Variants in HAS3 observed in about 807,000 individuals in gnomAD.
HAS3 encodes HA synthase 3.
HAS3 carries 27 observed loss-of-function variants against 50.3 expected under a neutral mutation model. That is an observed-to-expected ratio of 0.54 (90% CI 0.40 to 0.74). The LOEUF (loss-of-function observed/expected upper bound fraction) is 0.74, where lower values mean the gene tolerates loss of function less well. Among genes scored for constraint, HAS3 ranks in the 30% least tolerant of loss-of-function variants. The pLI, the probability that HAS3 is intolerant of heterozygous loss-of-function variation, is 0.00. For synonymous variants in HAS3, 339 were observed against 310.9 expected (o/e 1.09, Z -0.95); for missense variants, 517 against 742.8 (o/e 0.70, Z 3.53).
At chr16:69,110,771 C>A (rs117587913) in intron 2 of HAS3, among the ~76,000 whole-genome samples, 1 of 152,310 alleles carries the variant, frequency 6.6e-6, no homozygotes, top group East Asian at 1.9e-4. Context: ...TGTGATGCAG[C>A]ACTGCCTCAG....
Position 69,115,373 on chromosome 16 carries a change from CTT to C in HAS3, c.*108_*109del. 1 of 1,420,920 alleles carries C rather than the reference CTT, an allele frequency of 7.0e-7. No homozygotes were observed. The highest frequency in any genetic ancestry group is 3.0e-5 in the Admixed American group (1 of 33,446). The allele number at this position is 1,420,920 out of a possible 1,614,324, so 88.0% of individuals were successfully genotyped here. On this transcript the variant is annotated 3_prime_UTR_variant, in exon 4 of 4. Transcript: ENST00000569188. Reference sequence around the variant, plus strand: ...AGGAGGGAGTGCTGTGTTTTAGTCTCTTAATGGTCCAAAGGACAAATCTAAAA... The same window carrying C: ...AGGAGGGAGTGCTGTGTTTTAGTCTCAATGGTCCAAAGGACAAATCTAAAA...
the HAS3 span, among the ~76,000 whole-genome samples, chr16:69,088,557 CAA>C: frequency 1.7e-4 from 9 of 52,256 alleles, no homozygotes; most frequent in Non-Finnish European, 1.3e-4. Context: ...GACTCCATCT[CAA>C]AAAAAAAAAA....
rs1961243512 is a variant in HAS3 at position 69,117,574 on chromosome 16, TGC to T, written c.*2309_*2310del. ...ATTTGTAAACATATTTATTTTTACC[TGC>T]TTTTTTTTTTTTTTTTAATTTTCAG... On this transcript the variant is annotated 3_prime_UTR_variant, in exon 4 of 4. Transcript: ENST00000569188. 2.4e-6 allele frequency: 2 copies of T among 817,326 alleles called. No individual in the cohort carries two copies. The highest frequency in any genetic ancestry group is 1.4e-6 in the Non-Finnish European group (1 of 692,764). The allele number at this position is 817,326 out of a possible 1,614,324, so 50.6% of individuals were successfully genotyped here.
In HAS3 at chr16:69,116,942, G is replaced by T. The variant is rs371186811; in HGVS notation, c.*1676G>T. On this transcript the variant is annotated 3_prime_UTR_variant, in exon 4 of 4. Transcript: ENST00000569188. ...CCAAGTGCTTCCTACAAAGACGCAA[G>T]GTGTGCTCTGAGCCACAGATGGGCA... 1 of 985,440 alleles carries T rather than the reference G, an allele frequency of 1.0e-6. No individual in the cohort carries two copies. The highest frequency in any genetic ancestry group is 1.7e-5 in the African/African-American group (1 of 57,356). 61.0% of individuals were successfully genotyped at this position (985,440 alleles called of 1,614,324 possible). A position where few individuals can be genotyped will look rare whatever the true frequency, so the allele number is the denominator to read the frequency against.
In HAS3 at chr16:69,114,377, T is replaced by C. The variant is rs1961109607; in HGVS notation, c.773T>C (p.Leu258Pro). The C allele has an allele frequency of 6.2e-7, 1 of 1,607,386 alleles. No individual in the cohort carries two copies. The highest frequency in any genetic ancestry group is 8.5e-7 in the Non-Finnish European group (1 of 1,179,486). ...LNKYDSWISF[L>P]SSVRYWMAFN... Reference sequence around the variant, plus strand: ...AAGTACGACTCATGGATTTCCTTCCTGAGCAGCGTGCGGTACTGGATGGCC... The same window carrying C: ...AAGTACGACTCATGGATTTCCTTCCCGAGCAGCGTGCGGTACTGGATGGCC... The change falls in exon 4 of 4, where the codon CTG becomes CCG. Residue 258 changes from leucine to proline, a missense_variant. By Grantham distance (98) the Leu-to-Pro change is moderately conservative. Coordinates refer to ENST00000569188, the MANE Select transcript of HAS3 (RefSeq NM_001199280.2). This position sits in a 1 kb window ranked among gnomAD's most constrained non-coding sequence, Gnocchi z 6.4.
Position 69,107,499 on chromosome 16 carries a change from T to C in HAS3, c.-1+1712T>C. ...CACGTGGGTGTGGCCGGCGCCGCCT[T>C]TGCCAAGAGGCGAGGCTCGAGCGGG... On this transcript the variant is annotated intron_variant, in intron 1 of 3. Coordinates refer to ENST00000569188, the MANE Select transcript of HAS3 (RefSeq NM_001199280.2). The surrounding 1 kb of genome is among the most constrained non-coding windows in gnomAD (Gnocchi z 5.5). The C allele has an allele frequency of 4.1e-6, 4 of 984,844 alleles. No homozygotes were observed. The highest frequency in any genetic ancestry group is 4.8e-6 in the Non-Finnish European group (4 of 829,336). 61.0% of individuals were successfully genotyped at this position (984,844 alleles called of 1,614,324 possible). A position where few individuals can be genotyped will look rare whatever the true frequency, so the allele number is the denominator to read the frequency against.
At chr16:69,111,925 G>A (rs1409448210) in intron 2 of HAS3, among the ~76,000 whole-genome samples, 2 of 152,204 alleles carry the variant, frequency 1.3e-5, no homozygotes, top group Admixed American at 1.3e-4. Flanking sequence ...CAGCAAACAG[G>A]CTCACACACC....
chr16:69,116,346 G>C lies in HAS3; in HGVS notation c.*1080G>C. The C allele has an allele frequency of 2.0e-6, 2 of 985,794 alleles. No individual in the cohort carries two copies. Among genetic ancestry groups the C allele is most frequent in the Non-Finnish European group, 2.4e-6 (2 of 829,910 alleles). The allele number at this position is 985,794 out of a possible 1,614,324, so 61.1% of individuals were successfully genotyped here. A position where few individuals can be genotyped will look rare whatever the true frequency, so the allele number is the denominator to read the frequency against. ...GGCAAGCGTGTTCTCAGCACATATG[G>C]GAACTATGAGGAGCCTCTGATCAAA... On this transcript the variant is annotated 3_prime_UTR_variant, in exon 4 of 4. Transcript: ENST00000569188.
chr16:69,118,259 G>A (rs576908984), downstream of HAS3: 18 of 791,986 alleles, frequency 2.3e-5, no homozygotes, highest in Non-Finnish European at 3.3e-5. Flanking sequence ...CTAAGTCCCA[G>A]GAGAAGGGAG....
In HAS3 at chr16:69,114,250, C is replaced by T; in HGVS notation, c.739-93C>T. ...ATGGCCAGGAATCTAAGCAGCGGGC[C>T]ACAGAAGCCATGGTAAGGAGGCCTC... On this transcript the variant is annotated intron_variant, in intron 3 of 3. Coordinates refer to ENST00000569188, the MANE Select transcript of HAS3 (RefSeq NM_001199280.2). This position sits in a 1 kb window ranked among gnomAD's most constrained non-coding sequence, Gnocchi z 6.4. 6.7e-7 allele frequency: 1 copy of T among 1,500,622 alleles called. No individual in the cohort carries two copies. The highest frequency in any genetic ancestry group is 8.8e-7 in the Non-Finnish European group (1 of 1,132,982). 93.0% of individuals were successfully genotyped at this position (1,500,622 alleles called of 1,614,324 possible). A position where few individuals can be genotyped will look rare whatever the true frequency, so the allele number is the denominator to read the frequency against.
upstream of HAS3, among the ~76,000 whole-genome samples, chr16:69,101,522 T>C (rs536525868): frequency 3.7e-4 from 56 of 152,102 alleles, no homozygotes; most frequent in African/African-American, 1.3e-3. Context: ...CTGGTGGAAC[T>C]TTAGTGTAGA....
In HAS3 at chr16:69,115,040, T is replaced by C. The variant is rs753117110; in HGVS notation, c.1436T>C (p.Ile479Thr). 16 of 1,614,202 alleles carry C rather than the reference T, an allele frequency of 9.9e-6. No homozygotes were observed. The highest frequency in any genetic ancestry group is 3.3e-5 in the Admixed American group (2 of 60,022). The change falls in exon 4 of 4, where the codon ATT becomes ACT. Residue 479 changes from isoleucine to threonine, a missense_variant. Transcript: ENST00000569188. ...SGRKTIVVNF[I>T]GLIPVSIWVA... ...CGAAAAACCATTGTGGTGAACTTCA[T>C]TGGCCTCATTCCTGTGTCCATCTGG...
downstream of HAS3, among the ~76,000 whole-genome samples, chr16:69,117,837 C>A (rs1961264727): frequency 6.6e-6 from 1 of 152,138 alleles, no homozygotes; most frequent in African/African-American, 2.4e-5. Context: ...GGTGAAATAA[C>A]TAACTGGCAG....
At chr16:69,110,211 G>A (rs1433926935) in intron 2 of HAS3, among the ~76,000 whole-genome samples, 180 bp downstream of exon 2, 1 of 152,208 alleles carries the variant, frequency 6.6e-6, no homozygotes, top group Admixed American at 6.5e-5. Flanking sequence ...CAACACTTTG[G>A]GGGGCCGAGG....
chr16:69,112,375 C>CA (rs1961034462), intron 2 of HAS3, among the ~76,000 whole-genome samples: 1 of 152,196 alleles, frequency 6.6e-6, no homozygotes, highest in Admixed American at 6.5e-5. Context: ...ATGAGGGACT[C>CA]AGCCTGGTGC....
At chr16:69,097,765 G>T in the HAS3 span, among the ~76,000 whole-genome samples, 1 of 152,112 alleles carries the variant, frequency 6.6e-6, no homozygotes, top group Non-Finnish European at 1.5e-5. Context: ...TCTTGCCCAG[G>T]ACCACTGTGG....
chr16:69,113,567 T>TG, intron 3 of HAS3, 25 bp downstream of exon 3: 1 of 1,359,132 alleles, frequency 7.4e-7, no homozygotes, highest in Non-Finnish European at 1.0e-6. Context: ...GGGATATCTG[T>TG]GGGGAGGGGT....
rs951151058 is a variant in HAS3 at position 69,116,321 on chromosome 16, G to A, written c.*1055G>A. ...GGCTCTTATAGAAGCTTCAGCAGGA[G>A]GCAAGCGTGTTCTCAGCACATATGG... On this transcript the variant is annotated 3_prime_UTR_variant, in exon 4 of 4. Transcript: ENST00000569188. The A allele has an allele frequency of 1.0e-6, 1 of 985,772 alleles. No homozygotes were observed. Among genetic ancestry groups the A allele is most frequent in the African/African-American group, 1.7e-5 (1 of 57,254 alleles). The allele number at this position is 985,772 out of a possible 1,614,324, so 61.1% of individuals were successfully genotyped here. A position where few individuals can be genotyped will look rare whatever the true frequency, so the allele number is the denominator to read the frequency against.
At chr16:69,099,125 A>T in the HAS3 span, among the ~76,000 whole-genome samples, 1 of 149,074 alleles carries the variant, frequency 6.7e-6, no homozygotes, top group African/African-American at 2.5e-5. Flanking sequence ...CTAATAAAAA[A>T]TTAGCCCAGC....
Sources: allele counts gnomAD v4.1 joint callset (sites outside exome capture counted in the v4.1 genomes callset), GRCh38; gene constraint gnomAD v4.1.1; non-coding constraint Gnocchi (gnomAD v3.1); transcripts MANE v1.5; gene names NCBI Gene and HGNC (gene_info 2026-07-23, HGNC 2026-07-21).